LCOR: variants seen among roughly 807,000 people sequenced by gnomAD.
LCOR encodes the protein ligand dependent nuclear receptor corepressor.
LCOR carries 14 observed loss-of-function variants against 64.4 expected under a neutral mutation model. That is an observed-to-expected ratio of 0.22 (90% CI 0.14 to 0.34). LCOR has a LOEUF of 0.34. Ranked by LOEUF, LCOR falls within the 10% of genes least tolerant of loss-of-function variation. The pLI is 1.00. For synonymous variants in LCOR, 643 were observed against 642.5 expected (o/e 1.00, Z -0.01); for missense variants, 1,686 against 1,765.3 (o/e 0.96, Z 0.80).
chr10:96,980,879 A>T lies in LCOR; in HGVS notation c.419A>T (p.His140Leu). The change falls in exon 8 of 8, where the codon CAT (histidine) becomes CTT (leucine). Residue 140 changes from histidine (H) to leucine (L), a missense_variant. Around this residue, in one of 3 missense-constraint regions of LCOR, gnomAD observed 313 missense variants for 247.2 expected, o/e 1.27. Transcript: ENST00000421806. ...LEKFMVKLCT[H>L]HQKQFIRVLN... Reference sequence around the variant, plus strand: ...AAATTTATGGTCAAACTGTGTACTCATCATCAAAAGCAATTCATTCGTGTT... The same window carrying T: ...AAATTTATGGTCAAACTGTGTACTCTTCATCAAAAGCAATTCATTCGTGTT... 1.4e-6 allele frequency: 1 copy of T among 703,026 alleles called. No homozygotes were observed. The highest frequency in any genetic ancestry group is 2.6e-6 in the Non-Finnish European group (1 of 385,002). The allele number at this position is 703,026 out of a possible 1,614,324, so 43.5% of individuals were successfully genotyped here. A position where few individuals can be genotyped will look rare whatever the true frequency, so the allele number is the denominator to read the frequency against.
chr10:96,915,145 C>T (rs1023550069), intron 4 of LCOR, among the ~76,000 whole-genome samples: 10 of 152,204 alleles, frequency 6.6e-5, no homozygotes, highest in Non-Finnish European at 1.3e-4. Context: ...GCTTCGGAGA[C>T]ATTCTATTAG....
chr10:96,906,653 TTC>T (rs1302582953), intron 2 of LCOR, among the ~76,000 whole-genome samples: 4 of 151,946 alleles, frequency 2.6e-5, no homozygotes, highest in Non-Finnish European at 4.4e-5. Flanking sequence ...TTTGATTTTT[TTC>T]TCTTTTTTTT....
intron 2 of LCOR, among the ~76,000 whole-genome samples, chr10:96,888,703 A>G (rs143488432): frequency 9.7e-4 from 148 of 152,272 alleles, no homozygotes; most frequent in African/African-American, 3.1e-3. Context: ...AAAACTGACC[A>G]TTTTTGTGTA....
rs542499861 is a variant in LCOR, at chr10:96,849,998, A to G, written c.-330+16519A>G. On this transcript the variant is annotated intron_variant, in intron 2 of 7. Coordinates refer to ENST00000421806, the MANE Select transcript of LCOR (RefSeq NM_001346516.2). The stretch of plus-strand genomic sequence containing the variant: ...AAAGCATTACTAGCAAAGAAAGTCA[A>G]GCTGTTGGAAAAACTGACAGTGATG... Among the ~76,000 whole-genome samples the G allele has an allele frequency of 1.7e-3, 265 of 152,296 alleles. 1 individual carries two copies. The highest frequency in any genetic ancestry group is 3.4e-3 in the Non-Finnish European group (230 of 68,024).
intron 4 of LCOR, among the ~76,000 whole-genome samples, chr10:96,942,275 A>G (rs1466764182): frequency 1.3e-5 from 2 of 151,934 alleles, no homozygotes; most frequent in East Asian, 1.9e-4. Flanking sequence ...CCCCGTCTCC[A>G]CCAAAAAAAA....
chr10:96,953,571 C>G (rs1006293749), intron 7 of LCOR, among the ~76,000 whole-genome samples: 1 of 151,950 alleles, frequency 6.6e-6, no homozygotes, highest in Admixed American at 6.6e-5. Context: ...CAAAACAAAA[C>G]AAAAAACACT....
chr10:96,968,952 T>G (rs1847973963), intron 7 of LCOR, among the ~76,000 whole-genome samples: 1 of 151,936 alleles, frequency 6.6e-6, no homozygotes, highest in Non-Finnish European at 1.5e-5. Flanking sequence ...AAAAAAAAAT[T>G]CAGCGTTTTC....
At chr10:96,873,565 CACACACGTGTGT>C (rs2134408857) in intron 2 of LCOR, among the ~76,000 whole-genome samples, 1 of 122,934 alleles carries the variant, frequency 8.1e-6, no homozygotes, top group South Asian at 2.9e-4. Context: ...GATACACACA[CACACACGTGTGT>C]GTGTGTGTGT....
intron 7 of LCOR, chr10:96,958,234 C>G: frequency 7.5e-7 from 1 of 1,330,894 alleles, no homozygotes; most frequent in East Asian, 2.7e-5. Flanking sequence ...TCACTAAAGG[C>G]CCATTAAAAA....
At chr10:96,908,671 A>C (rs1227025822) in intron 4 of LCOR, among the ~76,000 whole-genome samples, 1 of 151,162 alleles carries the variant, frequency 6.6e-6, no homozygotes, top group Admixed American at 6.6e-5. Flanking sequence ...TTCATGGTAC[A>C]TCCATTCCCT....
intron 2 of LCOR, among the ~76,000 whole-genome samples, chr10:96,876,749 G>T (rs1846171053): frequency 6.6e-6 from 1 of 152,114 alleles, no homozygotes; most frequent in South Asian, 2.1e-4. Context: ...GAGTGCAGTG[G>T]TGCGATCTCA....
intron 2 of LCOR, among the ~76,000 whole-genome samples, chr10:96,868,830 G>A (rs1846022318): frequency 6.6e-6 from 1 of 152,162 alleles, no homozygotes; most frequent in South Asian, 2.1e-4. Flanking sequence ...GTTTAGCATT[G>A]TATCCTAGCA....
In LCOR at chr10:96,969,763, CTTTTTTTTTTCTTTTT is replaced by C. The variant is rs777581880; in HGVS notation, c.333-11012_333-10997del. 1.7e-3 allele frequency among the ~76,000 whole-genome samples: 217 copies of C among 125,086 alleles called. 1 individual carries two copies. The highest frequency in any genetic ancestry group is 7.1e-3 in the East Asian group (33 of 4,660). 82.1% of individuals were successfully genotyped at this position (125,086 alleles called of 152,430 possible). Reference sequence around the variant, plus strand: ...GGTGTTCATTTCAACAATTTTCTTTCTTTTTTTTTTCTTTTTTTTTTTTTTTCTTTTTTGAGACAAG... The same window carrying C: ...GGTGTTCATTTCAACAATTTTCTTTCTTTTTTTTTTCTTTTTTGAGACAAG... On this transcript the variant is annotated intron_variant, in intron 7 of 7. Coordinates refer to ENST00000421806, the MANE Select transcript of LCOR (RefSeq NM_001346516.2).
At chr10:96,894,440 A>G (rs1196420563) in intron 2 of LCOR, among the ~76,000 whole-genome samples, 5 of 152,224 alleles carry the variant, frequency 3.3e-5, no homozygotes. Flanking sequence ...ATCAAGGCCT[A>G]CTTGAGAAGC....
rs114779687 is a variant in LCOR, at chr10:96,906,035, A to G, written c.-329-1230A>G. ...CTTCTAAATCCTTTTCTGTGGTTGTATTTGTGGTCAAAAATTGATACATGT... is the reference window on the plus strand; with the variant it reads ...CTTCTAAATCCTTTTCTGTGGTTGTGTTTGTGGTCAAAAATTGATACATGT... On this transcript the variant is annotated intron_variant, in intron 2 of 7. Transcript: ENST00000421806. Among the ~76,000 whole-genome samples, 501 of 152,196 alleles carry G rather than the reference A, an allele frequency of 3.3e-3. 3 individuals are homozygous for G. The highest frequency in any genetic ancestry group is 0.012 in the African/African-American group (482 of 41,532).
intron 4 of LCOR, among the ~76,000 whole-genome samples, chr10:96,924,489 G>T (rs575925544): frequency 6.6e-6 from 1 of 151,776 alleles, no homozygotes; most frequent in African/African-American, 2.4e-5. Context: ...TGATCCACCC[G>T]CCTCAGCCTC....
At chr10:96,955,905 G>A (rs1407261423) in intron 7 of LCOR, 5 of 1,609,364 alleles carry the variant, frequency 3.1e-6, no homozygotes, top group Admixed American at 3.4e-5. Flanking sequence ...AAGTGCAAAT[G>A]AATCAAAAAA....
chr10:96,965,007 A>T (rs1045986322), intron 7 of LCOR, among the ~76,000 whole-genome samples: 7 of 150,956 alleles, frequency 4.6e-5, no homozygotes, highest in African/African-American at 1.2e-4. Context: ...CTCAACATTT[A>T]AAAAAAATTT....
chr10:96,903,254 G>T (rs567761849), intron 2 of LCOR, among the ~76,000 whole-genome samples: 13 of 152,206 alleles, frequency 8.5e-5, no homozygotes, highest in Admixed American at 7.2e-4. Flanking sequence ...GTACACTTAG[G>T]CTACACTAAA....
Sources: gnomAD v4.1 joint callset for allele counts (sites outside exome capture counted in the v4.1 genomes callset) on GRCh38, gnomAD v4.1.1 for gene constraint, gnomAD v4.1.1 regional missense constraint, MANE v1.5 for transcripts, NCBI Gene and HGNC (gene_info 2026-07-23, HGNC 2026-07-21) for gene names.